The following PARD3 variants were observed in gnomAD, a reference collection of about 807,000 sequenced individuals.
The protein encoded by PARD3 is par-3 family cell polarity regulator.
PARD3 carries 75 observed loss-of-function variants against 155.4 expected under a neutral mutation model. The observed-to-expected ratio is 0.48, with a 90% CI of 0.40 to 0.58. The LOEUF is 0.58. Among genes scored for constraint, PARD3 ranks in the 20% least tolerant of loss-of-function variants. PARD3 has a pLI of 0.00. For synonymous variants in PARD3, 576 were observed against 610.5 expected, an observed-to-expected ratio of 0.94 and a Z score of 0.83; for missense variants, 1,642 against 1,721.7, an observed-to-expected ratio of 0.95 and a Z score of 0.82.
At chr10:34,587,749 A>G (rs2088231720) in intron 2 of PARD3, among the ~76,000 whole-genome samples, 1 of 152,160 alleles carries the variant, frequency 6.6e-6, no homozygotes, top group African/African-American at 2.4e-5. Context: ...TCGTGCAAGT[A>G]CTATGTAAAA....
At chr10:34,394,378 T>C (rs911908693) in intron 7 of PARD3, among the ~76,000 whole-genome samples, 1 of 151,984 alleles carries the variant, frequency 6.6e-6, no homozygotes, top group Non-Finnish European at 1.5e-5. Flanking sequence ...CAAGCTGGAG[T>C]ACAGTGGCAT....
intron 12 of PARD3, among the ~76,000 whole-genome samples, chr10:34,368,608 C>T (rs1235228952): frequency 2.6e-5 from 4 of 151,798 alleles, no homozygotes; most frequent in Non-Finnish European, 4.4e-5. Context: ...GGGGGTGGAG[C>T]TTGCAGTGAG....
rs560642920 is a variant in PARD3 at position 34,215,767 on chromosome 10, G to T, written c.3419+53890C>A. On this transcript the variant is annotated intron_variant, in intron 22 of 24. Coordinates refer to ENST00000374788, the MANE Select transcript of PARD3 (RefSeq NM_001184785.2). ...TCAAAAAAGATAGCGAATTATATTCGCAGTTAAATGAGTGCTTAGCAAAGA... is the reference window on the plus strand; with the variant it reads ...TCAAAAAAGATAGCGAATTATATTCTCAGTTAAATGAGTGCTTAGCAAAGA... Among the ~76,000 whole-genome samples, 10 of 152,296 alleles carry T rather than the reference G, an allele frequency of 6.6e-5. No individual in the cohort carries two copies. The East Asian group carries it at 1.9e-3, about 29-fold the overall frequency.
intron 5 of PARD3, among the ~76,000 whole-genome samples, chr10:34,448,552 C>CTG (rs2076882520): frequency 6.6e-6 from 1 of 152,148 alleles, no homozygotes; most frequent in African/African-American, 2.4e-5. Context: ...ATAACCATGA[C>CTG]ACTTTGGGAG....
chr10:34,179,435 T>C (rs1950176889), intron 22 of PARD3, among the ~76,000 whole-genome samples: 1 of 152,206 alleles, frequency 6.6e-6, no homozygotes. Context: ...CCTGAGTGTT[T>C]CAGTGGAGGA....
chr10:34,266,934 A>C (rs1955342059), intron 22 of PARD3, among the ~76,000 whole-genome samples: 1 of 152,058 alleles, frequency 6.6e-6, no homozygotes, highest in Non-Finnish European at 1.5e-5. Flanking sequence ...TAAAGCAACC[A>C]CTTCTGGGCC....
At chr10:34,340,542 AAAAG>A (rs1359033930) in intron 16 of PARD3, among the ~76,000 whole-genome samples, 1 of 152,204 alleles carries the variant, frequency 6.6e-6, no homozygotes, top group African/African-American at 2.4e-5. Flanking sequence ...AGAGAATTTA[AAAAG>A]AAAGAAATGA....
rs534166865 is a variant in PARD3 at position 34,327,419 on chromosome 10, T to C, written c.2833+3698A>G. On this transcript the variant is annotated intron_variant, in intron 19 of 24. Transcript: ENST00000374788. The stretch of plus-strand genomic sequence containing the variant: ...ACCACATGGATCCCACCCCAGTCTC[T>C]TGGCCCCATTGCTGTGCCCATGCCA... Among the ~76,000 whole-genome samples the C allele has an allele frequency of 3.3e-5, 5 of 152,308 alleles. No individual in the cohort carries two copies. In the East Asian group the frequency reaches 7.7e-4, roughly 24 times the overall value.
chr10:34,295,321 A>C (rs906773984), intron 20 of PARD3, among the ~76,000 whole-genome samples: 1 of 152,208 alleles, frequency 6.6e-6, no homozygotes, highest in African/African-American at 2.4e-5. Flanking sequence ...GGCAAATGTC[A>C]AACCTCCACA....
chr10:34,111,625 G>A (rs1946387801), intron 24 of PARD3, 63 bp from the exon 25 acceptor site: 1 of 1,337,388 alleles, frequency 7.5e-7, no homozygotes, highest in Admixed American at 2.2e-5. Flanking sequence ...GGAGGAAAGG[G>A]GGCAGGATGG....
Position 34,309,758 on chromosome 10 carries a change from G to GCC in PARD3, c.3065+7347_3065+7348dup, listed in dbSNP as rs370412959. Among the ~76,000 whole-genome samples the GCC allele has an allele frequency of 8.7e-3, 466 of 53,534 alleles. 7 individuals are homozygous for GCC. The highest frequency in any genetic ancestry group is 0.026 in the African/African-American group (448 of 17,308). 35.1% of individuals were successfully genotyped at this position (53,534 alleles called of 152,430 possible). A position where few individuals can be genotyped will look rare whatever the true frequency, so the allele number is the denominator to read the frequency against. On this transcript the variant is annotated intron_variant, in intron 20 of 24. Coordinates refer to ENST00000374788, the MANE Select transcript of PARD3 (RefSeq NM_001184785.2). ...GTTCAACCATCTCCCCCACCCCCCC[G>GCC]CCCCCCCAAGAAGAAAAGAGTAGTC...
chr10:34,403,086 T>C (rs1421344278), intron 5 of PARD3, among the ~76,000 whole-genome samples: 1 of 152,216 alleles, frequency 6.6e-6, no homozygotes. Flanking sequence ...AGAAGCTCTG[T>C]AAATGTTTTG....
At chr10:34,704,250 C>T (rs575446997) in intron 1 of PARD3, among the ~76,000 whole-genome samples, 5 of 152,096 alleles carry the variant, frequency 3.3e-5, no homozygotes, top group Non-Finnish European at 7.4e-5. Context: ...GAAGATCAAC[C>T]AAAGGAAAAA....
At chr10:34,169,965 C>G (rs982428248) in intron 22 of PARD3, among the ~76,000 whole-genome samples, 18 of 152,240 alleles carry the variant, frequency 1.2e-4, no homozygotes, top group East Asian at 1.9e-4. Context: ...GGCTCAGCTT[C>G]TGTGTGACAT....
chr10:34,638,108 T>G (rs1016537440), intron 2 of PARD3, among the ~76,000 whole-genome samples: 2 of 152,168 alleles, frequency 1.3e-5, no homozygotes, highest in Non-Finnish European at 2.9e-5. Context: ...ATTTGGACAT[T>G]GTGGAGAGTG....
chr10:34,591,581 G>C (rs1021980176), intron 2 of PARD3, among the ~76,000 whole-genome samples: 2 of 152,136 alleles, frequency 1.3e-5, no homozygotes, highest in African/African-American at 2.4e-5. Context: ...ATGACTTGTC[G>C]ATCAGGGGAG....
At chr10:34,739,156 T>A (rs1270973338) in intron 1 of PARD3, among the ~76,000 whole-genome samples, 3 of 152,200 alleles carry the variant, frequency 2.0e-5, no homozygotes, top group Non-Finnish European at 4.4e-5. Flanking sequence ...CCCTCTGGAC[T>A]GGATCCTGGC....
At position 34,269,805 on chromosome 10, in the gene PARD3, C is replaced by A. The variant is rs762590546; in HGVS notation, c.3271G>T (p.Asp1091Tyr). The change falls in exon 22 of 25, where the codon GAT (aspartate) becomes TAT (tyrosine). Residue 1091 changes from aspartate (D) to tyrosine (Y), a missense_variant. Coordinates refer to ENST00000374788, the MANE Select transcript of PARD3 (RefSeq NM_001184785.2). ...GAAACTCCCCCATACATTAACTCAT[C>A]ATCACAGCCAAATGTCCGATGAAAA... The part of the protein sequence containing the change: ...QDFHRTFGCD[D>Y]ELMYGGVSSY... The A allele has an allele frequency of 1.2e-6, 2 of 1,614,022 alleles. No homozygotes were observed. Among genetic ancestry groups the A allele is most frequent in the South Asian group, 1.1e-5 (1 of 91,078 alleles).
chr10:34,792,898 G>A (rs555443100), intron 1 of PARD3, among the ~76,000 whole-genome samples: 43 of 152,276 alleles, frequency 2.8e-4, no homozygotes, highest in South Asian at 1.2e-3. Context: ...CAAAATTATC[G>A]GAGTAACTTC....
Sources: allele counts gnomAD v4.1 joint callset (sites outside exome capture counted in the v4.1 genomes callset), GRCh38; gene constraint gnomAD v4.1.1; transcripts MANE v1.5; gene names NCBI Gene and HGNC (gene_info 2026-07-23, HGNC 2026-07-21).